Variants in GALNS observed in about 807,000 individuals in gnomAD.
GALNS encodes N-acetylgalactosamine-6-sulfatase.
GALNS carries 65 observed loss-of-function variants against 65.9 expected under a neutral mutation model. The observed-to-expected ratio is 0.99, with a 90% CI of 0.81 to 1.21. GALNS has a LOEUF of 1.21. Ranked by LOEUF, GALNS falls within the 50% of genes most tolerant of loss-of-function variation. GALNS has a pLI of 0.00. For synonymous variants in GALNS, 346 were observed against 288.9 expected (o/e 1.20, Z -2.00); for missense variants, 776 against 700.7 (o/e 1.11, Z -1.21).
At chr16:88,836,154 C>A (rs1288058522) in intron 6 of GALNS, 47 bp downstream of exon 6, 2 of 1,564,540 alleles carry the variant, frequency 1.3e-6, no homozygotes, top group Non-Finnish European at 1.8e-6. Flanking sequence ...GGTGCGGTCC[C>A]CGTCCCCATG....
At chr16:88,816,360 G>A (rs1028928353) in intron 13 of GALNS, 1 of 985,334 alleles carries the variant, frequency 1.0e-6, no homozygotes, top group African/African-American at 1.7e-5. Flanking sequence ...CTCCTCCACG[G>A]CTGGTGGCCC....
intron 1 of GALNS, chr16:88,855,429 G>A: frequency 2.8e-6 from 2 of 702,846 alleles, no homozygotes; most frequent in Middle Eastern, 2.3e-4. Flanking sequence ...GTATCTTTAG[G>A]AGGGAGATGC....
intron 12 of GALNS, among the ~76,000 whole-genome samples, chr16:88,821,253 C>A (rs898096625): frequency 6.6e-6 from 1 of 152,208 alleles, no homozygotes. Flanking sequence ...CCTCTTCCAG[C>A]TCCAGTGGCC....
intron 8 of GALNS, among the ~76,000 whole-genome samples, chr16:88,833,483 G>A (rs1435193907): frequency 3.6e-5 from 5 of 138,860 alleles, no homozygotes; most frequent in African/African-American, 1.4e-4. Context: ...ATGGAGTCTC[G>A]CTCTGTCGCC....
At chr16:88,833,414 C>T (rs1911722616) in intron 8 of GALNS, among the ~76,000 whole-genome samples, 2 of 136,778 alleles carry the variant, frequency 1.5e-5, no homozygotes, top group Non-Finnish European at 3.1e-5. Context: ...TGCTTCTTCT[C>T]CTTCCCTCCC....
chr16:88,840,833 C>A, intron 4 of GALNS, 159 bp downstream of exon 4: 2 of 694,056 alleles, frequency 2.9e-6, no homozygotes, highest in Admixed American at 2.1e-5. Flanking sequence ...CGCTGGCCTG[C>A]ACAGGGACGC....
chr16:88,842,861 G>A (rs1345571537), intron 1 of GALNS, 32 bp from the exon 2 acceptor site: 3 of 1,610,448 alleles, frequency 1.9e-6, no homozygotes, highest in Non-Finnish European at 2.5e-6. Flanking sequence ...GGAGGAATGA[G>A]CGCCTTCTGC....
chr16:88,828,404 G>A (rs1911146835), intron 9 of GALNS, among the ~76,000 whole-genome samples: 3 of 152,234 alleles, frequency 2.0e-5, no homozygotes, highest in South Asian at 4.1e-4. Flanking sequence ...TGTGGGAGAA[G>A]TCACTGAAAC....
chr16:88,822,070 G>C lies in GALNS; in HGVS notation c.1364+519C>G, dbSNP rs77889860. The stretch of plus-strand genomic sequence containing the variant: ...TGTCGCCCCTAAGGAGCTGCCAGCA[G>C]GTGAGTCTGGTACTGGCGACCATGA... On this transcript the variant is annotated intron_variant, in intron 12 of 13. Transcript: ENST00000268695. Among the ~76,000 whole-genome samples, 847 of 152,314 alleles carry C rather than the reference G, an allele frequency of 5.6e-3. 11 individuals carry two copies. The highest frequency in any genetic ancestry group is 0.02 in the African/African-American group (811 of 41,572).
intron 12 of GALNS, among the ~76,000 whole-genome samples, chr16:88,819,530 A>ATCT (rs71158758): frequency 0.42 from 63,279 of 151,806 alleles, 13,542 homozygotes; most frequent in East Asian, 0.63. Context: ...TGTTGCTTTA[A>ATCT]TCTTGTTTAT....
chr16:88,833,334 G>T (rs1036726281), intron 8 of GALNS, among the ~76,000 whole-genome samples: 1 of 150,646 alleles, frequency 6.6e-6, no homozygotes, highest in Non-Finnish European at 1.5e-5. Context: ...CCTGTGAAGG[G>T]ACAATGGACA....
At chr16:88,846,001 AAAAAAAGAT>A (rs894057723) in intron 1 of GALNS, among the ~76,000 whole-genome samples, 4 of 152,140 alleles carry the variant, frequency 2.6e-5, no homozygotes, top group African/African-American at 9.7e-5. Flanking sequence ...ACAAACAAAC[AAAAAAAGAT>A]CATGGCCCAG....
chr16:88,843,164 G>A (rs1241492089), intron 1 of GALNS: 2 of 1,396,474 alleles, frequency 1.4e-6, no homozygotes, highest in Admixed American at 4.3e-5. Flanking sequence ...ACCAGCATCT[G>A]CATGCTCGCA....
At chr16:88,854,703 G>C (rs1202795821) in intron 1 of GALNS, among the ~76,000 whole-genome samples, 1 of 152,254 alleles carries the variant, frequency 6.6e-6, no homozygotes, top group Admixed American at 6.5e-5. Flanking sequence ...CACAGGCTGA[G>C]TGAGGATGTG....
chr16:88,828,423 G>C (rs1911148988), intron 9 of GALNS, among the ~76,000 whole-genome samples: 1 of 152,184 alleles, frequency 6.6e-6, no homozygotes, highest in Non-Finnish European at 1.5e-5. Context: ...ACCGTTATCA[G>C]CGCTTTCGAG....
chr16:88,843,158 G>A, intron 1 of GALNS: 1 of 1,405,560 alleles, frequency 7.1e-7, no homozygotes, highest in Non-Finnish European at 9.4e-7. Context: ...CCTGACACCA[G>A]CATCTGCATG....
intron 10 of GALNS, among the ~76,000 whole-genome samples, chr16:88,825,919 C>G (rs963405529): frequency 1.1e-4 from 17 of 152,280 alleles, no homozygotes; most frequent in East Asian, 3.9e-4. Flanking sequence ...TCCCGTTGAG[C>G]CTTTGGAATC....
rs2143002465 is a variant in GALNS, at chr16:88,837,750, C to T, written c.438G>A (p.Arg146=). 6.2e-7 allele frequency: 1 copy of T among 1,613,976 alleles called. No individual in the cohort carries two copies. Among genetic ancestry groups the T allele is most frequent in the South Asian group, 1.1e-5 (1 of 91,078 alleles). Residue 146 remains arginine (R), a synonymous_variant, in exon 5 of 14, where the codon AGG becomes AGA. Coordinates refer to ENST00000268695, the MANE Select transcript of GALNS (RefSeq NM_000512.5). ...KIVGKWHLGH[R]PQFHPLKHGF... ...CGTGCTTCAGGGGGTGGAACTGGGG[C>T]CTGTGACCCAGATGCCTGGAAACAG...
intron 2 of GALNS, 155 bp downstream of exon 2, chr16:88,842,551 T>A: frequency 1.1e-6 from 1 of 915,198 alleles, no homozygotes; most frequent in Non-Finnish European, 1.6e-6. Flanking sequence ...GGCTGGGATT[T>A]GATGAGAAAG....
Sources: allele counts gnomAD v4.1 joint callset (sites outside exome capture counted in the v4.1 genomes callset), GRCh38; gene constraint gnomAD v4.1.1; transcripts MANE v1.5; gene names NCBI Gene and HGNC (gene_info 2026-07-23, HGNC 2026-07-21).